Variants in SLC26A3 observed in about 807,000 individuals in gnomAD.
SLC26A3 encodes the protein chloride anion exchanger.
SLC26A3 carries 64 observed loss-of-function variants against 85.6 expected under a neutral mutation model. The observed-to-expected ratio is 0.75, with a 90% CI of 0.61 to 0.92. SLC26A3 has a LOEUF of 0.92. Among genes scored for constraint, SLC26A3 ranks in the 40% least tolerant of loss-of-function variants. SLC26A3 has a pLI of 0.00. For missense variants in SLC26A3, 922 were observed against 927.3 expected (o/e 0.99, Z 0.07); for synonymous variants, 349 against 336.0 (o/e 1.04, Z -0.42).
At position 107,776,363 on chromosome 7, in the gene SLC26A3, C is replaced by G. The variant is rs570070064; in HGVS notation, c.1677+89G>C. ...CCCACCTCAACATATGTGACACAACCCAGTCTCAACAATGACCTTACAGAA... is the reference window on the plus strand; with the variant it reads ...CCCACCTCAACATATGTGACACAACGCAGTCTCAACAATGACCTTACAGAA... On this transcript the variant is annotated intron_variant, in intron 15 of 20. Coordinates refer to ENST00000340010, the MANE Select transcript of SLC26A3 (RefSeq NM_000111.3). The G allele has an allele frequency of 3.7e-6, 4 of 1,082,080 alleles. No homozygotes were observed. The African/African-American group carries it at 6.2e-5, about 17-fold the overall frequency. The allele number at this position is 1,082,080 out of a possible 1,614,324, so 67.0% of individuals were successfully genotyped here. A position where few individuals can be genotyped will look rare whatever the true frequency, so the allele number is the denominator to read the frequency against.
Position 107,776,479 on chromosome 7 carries a change from A to G in SLC26A3, c.1650T>C (p.Gly550=). Residue 550 remains glycine, a synonymous_variant, in exon 15 of 21, where the codon GGT becomes GGC. Coordinates refer to ENST00000340010, the MANE Select transcript of SLC26A3 (RefSeq NM_000111.3). ...CPSPIYFANI[G]FFRRKLIDAV... is the part of the protein sequence containing the mutation. ...CATCGATAAGTTTCCGCCTAAAGAA[A>G]CCAATGTTTGCAAAGTAGATAGGAG... 1 of 1,614,078 alleles carries G rather than the reference A, an allele frequency of 6.2e-7. No homozygotes were observed. The highest frequency in any genetic ancestry group is 1.1e-5 in the South Asian group (1 of 91,082).
chr7:107,788,766 CTTTTTCTTTTTTCTTTTCT>C (rs1368915609), intron 6 of SLC26A3, among the ~76,000 whole-genome samples: 1 of 142,240 alleles, frequency 7.0e-6, no homozygotes, highest in African/African-American at 2.6e-5. Flanking sequence ...CTTTTCTTTT[CTTTTTCTTTTTTCTTTTCT>C]TTTTTTTTTT....
chr7:107,769,795 G>A (rs1230831430), intron 18 of SLC26A3, among the ~76,000 whole-genome samples: 2 of 152,166 alleles, frequency 1.3e-5, no homozygotes, highest in East Asian at 3.8e-4. Flanking sequence ...CAGTAGAAAG[G>A]GAGAGATTAA....
In SLC26A3 at chr7:107,765,708, C is replaced by A; in HGVS notation, c.*147G>T. ...CATACTAGATATGTGAAAAATATGC[C>A]ATGCTAGAACCATCTTGTTCCAAAG... On this transcript the variant is annotated 3_prime_UTR_variant, in exon 21 of 21. Coordinates refer to ENST00000340010, the MANE Select transcript of SLC26A3 (RefSeq NM_000111.3). 8.9e-6 allele frequency: 5 copies of A among 560,810 alleles called. No homozygotes were observed. Among genetic ancestry groups the A allele is most frequent in the East Asian group, 2.9e-5 (1 of 34,488 alleles). The allele number at this position is 560,810 out of a possible 1,614,324, so 34.7% of individuals were successfully genotyped here.
chr7:107,783,414 TG>T, intron 8 of SLC26A3, 62 bp from the exon 9 acceptor site: 1 of 1,584,498 alleles, frequency 6.3e-7, no homozygotes, highest in Non-Finnish European at 8.7e-7. Context: ...ATATAACCAT[TG>T]GGCAAATCAA....
intron 1 of SLC26A3, among the ~76,000 whole-genome samples, chr7:107,795,858 C>T (rs188981858): frequency 3.2e-4 from 48 of 152,016 alleles, no homozygotes; most frequent in East Asian, 1.5e-3. Context: ...CCTCATATAC[C>T]TTATGGGATT....
At chr7:107,789,342 G>A (rs901353369) in intron 6 of SLC26A3, among the ~76,000 whole-genome samples, 182 bp downstream of exon 6, 3 of 150,970 alleles carry the variant, frequency 2.0e-5, no homozygotes, top group Non-Finnish European at 1.5e-5. Context: ...GGATGGTCTC[G>A]ATCTCCTGAT....
Position 107,787,513 on chromosome 7 carries a change from C to T in SLC26A3, c.736-4G>A, listed in dbSNP as rs1454988970. On this transcript the variant is annotated splice_region_variant and splice_polypyrimidine_tract_variant and intron_variant, in intron 6 of 20. Transcript: ENST00000340010. ...GTGAGAATACAGAGTATAGTACCTA[C>T]AATTATAAAAACAAAAACCACCAAA... The T allele has an allele frequency of 3.7e-6, 6 of 1,611,592 alleles. No individual in the cohort carries two copies. The highest frequency in any genetic ancestry group is 1.3e-5 in the African/African-American group (1 of 74,820).
intron 17 of SLC26A3, 85 bp from the exon 18 acceptor site, chr7:107,772,193 G>T: frequency 1.3e-6 from 1 of 789,062 alleles, no homozygotes; most frequent in South Asian, 1.4e-5. Context: ...TATACCTTAC[G>T]GGTGATATAT....
chr7:107,787,640 T>C (rs1379254969), intron 6 of SLC26A3, 131 bp from the exon 7 acceptor site: 2 of 749,302 alleles, frequency 2.7e-6, no homozygotes, highest in African/African-American at 3.5e-5. Context: ...ATTTCCTGTA[T>C]TGCCCCGGTT....
chr7:107,774,660 G>T, intron 16 of SLC26A3, 117 bp downstream of exon 16: 1 of 808,850 alleles, frequency 1.2e-6, no homozygotes. Flanking sequence ...AACACTCATT[G>T]ACACATGAAA....
intron 19 of SLC26A3, 47 bp downstream of exon 19, chr7:107,767,719 G>A: frequency 1.9e-6 from 3 of 1,611,020 alleles, no homozygotes; most frequent in Non-Finnish European, 2.5e-6. Context: ...TTTAAGGAGT[G>A]CAGATGGCTG....
rs1172159614 is a variant in SLC26A3, at chr7:107,776,446, C to A, written c.1677+6G>T. 6.2e-7 allele frequency: 1 copy of A among 1,607,706 alleles called. No homozygotes were observed. Among genetic ancestry groups the A allele is most frequent in the Admixed American group, 1.7e-5 (1 of 60,008 alleles). The stretch of plus-strand genomic sequence containing the variant: ...AGGAAAAAAATTAAATAACCCCAAA[C>A]CTTACAGCATCGATAAGTTTCCGCC... On this transcript the variant is annotated splice_donor_region_variant and intron_variant, in intron 15 of 20. Coordinates refer to ENST00000340010, the MANE Select transcript of SLC26A3 (RefSeq NM_000111.3).
intron 17 of SLC26A3, among the ~76,000 whole-genome samples, chr7:107,772,629 T>C (rs1339016726): frequency 1.3e-5 from 2 of 152,192 alleles, no homozygotes; most frequent in African/African-American, 4.8e-5. Flanking sequence ...TAGCTTATAT[T>C]GTTTGATCAG....
At chr7:107,776,983 A>T (rs970623632) in intron 13 of SLC26A3, among the ~76,000 whole-genome samples, 4 of 152,228 alleles carry the variant, frequency 2.6e-5, no homozygotes, top group African/African-American at 9.6e-5. Context: ...TATCACAGTT[A>T]TTCCATGAGG....
At chr7:107,785,214 T>C (rs1794273173) in intron 8 of SLC26A3, among the ~76,000 whole-genome samples, 1 of 152,216 alleles carries the variant, frequency 6.6e-6, no homozygotes, top group Non-Finnish European at 1.5e-5. Context: ...GAATCCTACT[T>C]GATAGCTATT....
At position 107,794,613 on chromosome 7, in the gene SLC26A3, G is replaced by C; in HGVS notation, c.-88-16C>G. 1 of 1,239,082 alleles carries C rather than the reference G, an allele frequency of 8.1e-7. No individual in the cohort carries two copies. Among genetic ancestry groups the C allele is most frequent in the South Asian group, 1.2e-5 (1 of 82,526 alleles). 76.8% of individuals were successfully genotyped at this position (1,239,082 alleles called of 1,614,324 possible). On this transcript the variant is annotated splice_polypyrimidine_tract_variant and intron_variant, in intron 1 of 20. Coordinates refer to ENST00000340010, the MANE Select transcript of SLC26A3 (RefSeq NM_000111.3). The stretch of plus-strand genomic sequence containing the variant: ...TTAAAAATGCCTGAAACCAAACAGA[G>C]CTTGCTTCTTAAATAACTCAGAGAT...
At chr7:107,790,336 A>T (rs191538006) in intron 5 of SLC26A3, among the ~76,000 whole-genome samples, 101 of 152,338 alleles carry the variant, frequency 6.6e-4, no homozygotes, top group Admixed American at 6.5e-3. Context: ...CCCAAAGCCC[A>T]GTTGGGTTCC....
intron 3 of SLC26A3, among the ~76,000 whole-genome samples, chr7:107,792,419 G>T (rs190855000): frequency 2.0e-5 from 3 of 152,012 alleles, no homozygotes; most frequent in Admixed American, 1.3e-4. Context: ...CCCTCTGGGG[G>T]TGTTGGGAGA....
Sources: gnomAD v4.1 joint callset for allele counts (sites outside exome capture counted in the v4.1 genomes callset) on GRCh38, gnomAD v4.1.1 for gene constraint, MANE v1.5 for transcripts, NCBI Gene and HGNC (gene_info 2026-07-23, HGNC 2026-07-21) for gene names.